USP8: variants seen among roughly 807,000 people sequenced by gnomAD.
The protein encoded by USP8 is ubiquitin carboxyl-terminal hydrolase 8.
In USP8, 27 loss-of-function variants were observed where a neutral mutation model predicts 130.0. The observed-to-expected ratio is 0.21, with a 90% CI of 0.15 to 0.29. The LOEUF (loss-of-function observed/expected upper bound fraction) is 0.29, where lower values mean the gene tolerates loss of function less well. Among genes scored for constraint, USP8 ranks in the 10% least tolerant of loss-of-function variants. The pLI, the probability that USP8 is intolerant of heterozygous loss-of-function variation, is 1.00. For synonymous variants in USP8, 392 were observed against 444.1 expected, an observed-to-expected ratio of 0.88 and a Z score of 1.48; for missense variants, 1,029 against 1,312.2, an observed-to-expected ratio of 0.78 and a Z score of 3.33.
rs2052668061 is a variant in USP8, at chr15:50,506,876, T to C, written c.*7788T>C. On this transcript the variant is annotated 3_prime_UTR_variant, in exon 20 of 20. Transcript: ENST00000307179. ...CGGAGGCTGAGGCAGGAGAATGGCA[T>C]GAACCCAGGAGGTGAAGCTTGCAGT... 7.4e-6 allele frequency: 1 copy of C among 134,278 alleles called. No individual in the cohort carries two copies. Among genetic ancestry groups the C allele is most frequent in the South Asian group, 2.3e-4 (1 of 4,354 alleles). 8.3% of individuals were successfully genotyped at this position (134,278 alleles called of 1,614,324 possible).
intron 11 of USP8, among the ~76,000 whole-genome samples, chr15:50,482,775 T>C (rs1041036731): frequency 6.6e-6 from 1 of 152,232 alleles, no homozygotes; most frequent in African/African-American, 2.4e-5. Context: ...CCTTTTTACA[T>C]ATGTATAAAT....
rs536930322 is a variant in USP8 at position 50,489,689 on chromosome 15, G to A, written c.1891-112G>A. The A allele has an allele frequency of 1.0e-3, 655 of 643,640 alleles. 2 individuals are homozygous for A. The highest frequency in any genetic ancestry group is 4.1e-3 in the Middle Eastern group (8 of 1,960). The allele number at this position is 643,640 out of a possible 1,614,324, so 39.9% of individuals were successfully genotyped here. ...AAATATGAAGGGCAGCCAAGGCAAG[G>A]TTTTTTGATTCTTTGGTACAAGTAG... On this transcript the variant is annotated intron_variant, in intron 12 of 19. Transcript: ENST00000307179.
At chr15:50,425,648 C>G (rs2049687765) in intron 1 of USP8, among the ~76,000 whole-genome samples, 2 of 151,274 alleles carry the variant, frequency 1.3e-5, no homozygotes, top group Admixed American at 6.6e-5. Context: ...TAGTGAAGAC[C>G]CTGTAGTAGT....
intron 7 of USP8, among the ~76,000 whole-genome samples, chr15:50,470,589 G>A (rs988524368): frequency 6.6e-6 from 1 of 150,558 alleles, no homozygotes; most frequent in African/African-American, 2.4e-5. Flanking sequence ...GCAGGCCATT[G>A]TGAGGACTTT....
Position 50,449,462 on chromosome 15 carries a change from A to T in USP8, c.312A>T (p.Arg104Ser). The part of the protein sequence containing the change: ...NIKKAVEEAE[R>S]LSESLKLRYE... ...AAAAAGCTGTCGAAGAAGCTGAAAGACTCTCTGAAAGCCTTAAATTAAGGT... is the reference window on the plus strand; with the variant it reads ...AAAAAGCTGTCGAAGAAGCTGAAAGTCTCTCTGAAAGCCTTAAATTAAGGT... Residue 104 changes from arginine to serine, a missense_variant, in exon 4 of 20, where the codon AGA becomes AGT. By Grantham distance (110) the Arg-to-Ser change is moderately radical. Coordinates refer to ENST00000307179, the MANE Select transcript of USP8 (RefSeq NM_005154.5). The T allele has an allele frequency of 6.3e-7, 1 of 1,595,400 alleles. No individual in the cohort carries two copies. Among genetic ancestry groups the T allele is most frequent in the South Asian group, 1.1e-5 (1 of 87,428 alleles).
chr15:50,500,205 A>G lies in USP8; in HGVS notation c.*1117A>G, dbSNP rs995978850. 2.0e-5 allele frequency: 3 copies of G among 152,270 alleles called. No homozygotes were observed. The highest frequency in any genetic ancestry group is 2.1e-4 in the South Asian group (1 of 4,834). 9.4% of individuals were successfully genotyped at this position (152,270 alleles called of 1,614,324 possible). On this transcript the variant is annotated 3_prime_UTR_variant, in exon 20 of 20. Coordinates refer to ENST00000307179, the MANE Select transcript of USP8 (RefSeq NM_005154.5). ...AGCTGACAACTTTTCATGTTTTACA[A>G]TTAGTCTAAGAGACCACTTCTTGGC...
At position 50,446,755 on chromosome 15, in the gene USP8, A is replaced by G. The variant is rs181802943; in HGVS notation, c.250-2645A>G. ...ATCTACTTTTAGGCTAGATAGACATATGATAACTCTTATCAACAGACTTTT... is the reference window on the plus strand; with the variant it reads ...ATCTACTTTTAGGCTAGATAGACATGTGATAACTCTTATCAACAGACTTTT... On this transcript the variant is annotated intron_variant, in intron 3 of 19. Transcript: ENST00000307179. Among the ~76,000 whole-genome samples, 231 of 152,354 alleles carry G rather than the reference A, an allele frequency of 1.5e-3. 2 individuals carry two copies. Among genetic ancestry groups the G allele is most frequent in the Middle Eastern group, 6.8e-3 (2 of 294 alleles).
chr15:50,478,058 T>C (rs1439423632), intron 10 of USP8, among the ~76,000 whole-genome samples: 1 of 152,192 alleles, frequency 6.6e-6, no homozygotes, highest in Non-Finnish European at 1.5e-5. Context: ...CTACAAACAA[T>C]GCCAATGAAA....
chr15:50,482,402 G>T (rs1403484796), intron 11 of USP8, among the ~76,000 whole-genome samples: 1 of 152,164 alleles, frequency 6.6e-6, no homozygotes, highest in Admixed American at 6.5e-5. Flanking sequence ...CTCCTTCTCA[G>T]TATGGGGAAA....
At position 50,501,693 on chromosome 15, in the gene USP8, T is replaced by C. The variant is rs2052591339; in HGVS notation, c.*2605T>C. 1 of 152,106 alleles carries C rather than the reference T, an allele frequency of 6.6e-6. No homozygotes were observed. The highest frequency in any genetic ancestry group is 2.1e-4 in the South Asian group (1 of 4,830). The allele number at this position is 152,106 out of a possible 1,614,324, so 9.4% of individuals were successfully genotyped here. On this transcript the variant is annotated 3_prime_UTR_variant, in exon 20 of 20. Coordinates refer to ENST00000307179, the MANE Select transcript of USP8 (RefSeq NM_005154.5). ...TTTCCATGTCTTTCCTAACCCAGTA[T>C]TGTTTGGAACAAAGGCATTAGAGAG...
rs2052591794 is a variant in USP8, at chr15:50,501,724, C to T, written c.*2636C>T. ...GGAACAAAGGCATTAGAGAGGTGTA[C>T]TTCCAAGGAGGTGTTATGGTGTATG... On this transcript the variant is annotated 3_prime_UTR_variant, in exon 20 of 20. Coordinates refer to ENST00000307179, the MANE Select transcript of USP8 (RefSeq NM_005154.5). 1 of 152,096 alleles carries T rather than the reference C, an allele frequency of 6.6e-6. No homozygotes were observed. The highest frequency in any genetic ancestry group is 1.5e-5 in the Non-Finnish European group (1 of 68,026). 9.4% of individuals were successfully genotyped at this position (152,096 alleles called of 1,614,324 possible). A position where few individuals can be genotyped will look rare whatever the true frequency, so the allele number is the denominator to read the frequency against.
chr15:50,479,952 G>A (rs1405467607), intron 10 of USP8, among the ~76,000 whole-genome samples: 1 of 151,950 alleles, frequency 6.6e-6, no homozygotes, highest in Admixed American at 6.6e-5. Flanking sequence ...GTAGAGATGG[G>A]GTTTTGCCAT....
intron 7 of USP8, among the ~76,000 whole-genome samples, chr15:50,466,266 C>T (rs2051185051): frequency 6.6e-6 from 1 of 152,004 alleles, no homozygotes; most frequent in African/African-American, 2.4e-5. Flanking sequence ...AATGTTTGAC[C>T]TGAAGCGTAG....
intron 11 of USP8, among the ~76,000 whole-genome samples, chr15:50,483,748 C>T (rs1200287368): frequency 3.3e-5 from 5 of 151,310 alleles, no homozygotes; most frequent in Admixed American, 6.6e-5. Flanking sequence ...GAGCCAAGAT[C>T]GTGCCACTGC....
intron 19 of USP8, 53 bp from the exon 20 acceptor site, chr15:50,498,850 T>C (rs1385046384): frequency 6.4e-7 from 1 of 1,557,302 alleles, no homozygotes; most frequent in East Asian, 2.3e-5. Flanking sequence ...TTGGCGTATT[T>C]TAAATAACAA....
At chr15:50,477,164 T>G in intron 9 of USP8, 112 bp from the exon 10 acceptor site, 1 of 1,324,816 alleles carries the variant, frequency 7.5e-7, no homozygotes, top group Admixed American at 2.8e-5. Context: ...ACTGTTGTAA[T>G]TGTTTTTTCA....
intron 5 of USP8, 57 bp downstream of exon 5, chr15:50,459,219 C>T: frequency 6.5e-7 from 1 of 1,548,054 alleles, no homozygotes; most frequent in South Asian, 1.3e-5. Flanking sequence ...AGATGATTTG[C>T]TTAAAAAGAG....
Position 50,484,275 on chromosome 15 carries a change from C to A in USP8, c.1804C>A (p.Pro602Thr), listed in dbSNP as rs945713895. The A allele has an allele frequency of 8.1e-6, 13 of 1,603,456 alleles. No homozygotes were observed. In the African/African-American group the frequency reaches 1.6e-4, roughly 20 times the overall value. ...TTCTGTAATTTTAATAATTTTACAG[C>A]CATTTAAGATTAAAGGACAACCAGA... is the stretch of plus-strand genomic sequence containing the variant. ...SVTGDSGSGK[P>T]FKIKGQPESG... The change falls in exon 12 of 20, where the codon CCA becomes ACA. Residue 602 changes from proline (P) to threonine (T), a missense_variant and splice_region_variant. Transcript: ENST00000307179.
chr15:50,481,398 C>G, intron 10 of USP8, 83 bp from the exon 11 acceptor site: 2 of 1,050,172 alleles, frequency 1.9e-6, no homozygotes, highest in Non-Finnish European at 2.6e-6. Flanking sequence ...AGTGACACTT[C>G]TTTTATCACA....
Sources: allele counts gnomAD v4.1 joint callset (sites outside exome capture counted in the v4.1 genomes callset), GRCh38; gene constraint gnomAD v4.1.1; transcripts MANE v1.5; gene names NCBI Gene and HGNC (gene_info 2026-07-23, HGNC 2026-07-21).